The following TMEM266 variants were observed in gnomAD, a reference collection of about 807,000 sequenced individuals.
TMEM266 encodes transmembrane protein 266.
TMEM266 carries 33 observed loss-of-function variants against 50.5 expected under a neutral mutation model. The observed-to-expected ratio is 0.65, with a 90% CI of 0.50 to 0.87. TMEM266 has a LOEUF of 0.87. TMEM266 is among the 40% of genes least tolerant of loss of function. TMEM266 has a pLI of 0.00. For missense variants in TMEM266, 655 were observed against 695.1 expected (o/e 0.94, Z 0.65); for synonymous variants, 310 against 292.3 (o/e 1.06, Z -0.62).
intron 8 of TMEM266, 23 bp from the exon 9 acceptor site, chr15:76,191,945 G>A (rs933611047): frequency 1.9e-5 from 30 of 1,566,754 alleles, no homozygotes; most frequent in Non-Finnish European, 2.5e-5. Flanking sequence ...CGCTGATTCA[G>A]CCTTGCCCGT....
At chr15:76,203,030 A>G (rs1008660402) in intron 10 of TMEM266, among the ~76,000 whole-genome samples, 6 of 152,002 alleles carry the variant, frequency 3.9e-5, no homozygotes, top group Admixed American at 3.3e-4. Context: ...CCAGTCCTCC[A>G]CAACTTTGGG....
At chr15:76,108,477 C>T (rs1293969074) in intron 1 of TMEM266, among the ~76,000 whole-genome samples, 1 of 152,242 alleles carries the variant, frequency 6.6e-6, no homozygotes, top group Non-Finnish European at 1.5e-5. Flanking sequence ...TGTTAAGCTA[C>T]AGATTCCTGA....
At chr15:76,185,608 G>C (rs1301507930) in intron 8 of TMEM266, among the ~76,000 whole-genome samples, 1 of 152,162 alleles carries the variant, frequency 6.6e-6, no homozygotes, top group Non-Finnish European at 1.5e-5. Context: ...ACCCAGGTCA[G>C]CTTCTATTAA....
At chr15:76,080,948 A>T (rs1330149226) in intron 1 of TMEM266, among the ~76,000 whole-genome samples, 1 of 10,490 alleles carries the variant, frequency 9.5e-5, no homozygotes, top group African/African-American at 1.5e-4. Context: ...ATGAGGTCTC[A>T]TTATGTTGCC....
chr15:76,143,373 A>C (rs1026306577), intron 3 of TMEM266, among the ~76,000 whole-genome samples: 1 of 152,092 alleles, frequency 6.6e-6, no homozygotes, highest in Non-Finnish European at 1.5e-5. Context: ...CGTCCACACC[A>C]TGGAAACTGT....
At chr15:76,143,845 G>A (rs2037717182) in intron 3 of TMEM266, among the ~76,000 whole-genome samples, 1 of 152,084 alleles carries the variant, frequency 6.6e-6, no homozygotes, top group Admixed American at 6.5e-5. Context: ...TCCTTCAACT[G>A]GTAACATTCA....
At chr15:76,140,295 A>G (rs2037657911) in intron 3 of TMEM266, among the ~76,000 whole-genome samples, 1 of 152,220 alleles carries the variant, frequency 6.6e-6, no homozygotes, top group Non-Finnish European at 1.5e-5. Flanking sequence ...GGGAAACTGA[A>G]GCAAAGCAAA....
At chr15:76,071,753 A>G (rs890645955) in intron 1 of TMEM266, among the ~76,000 whole-genome samples, 7 of 152,130 alleles carry the variant, frequency 4.6e-5, no homozygotes, top group African/African-American at 1.7e-4. Context: ...CCCAGAAAGC[A>G]AGAAGCAGTG....
At chr15:76,087,049 T>C (rs1261389152) in intron 1 of TMEM266, among the ~76,000 whole-genome samples, 3 of 152,016 alleles carry the variant, frequency 2.0e-5, no homozygotes, top group Non-Finnish European at 4.4e-5. Context: ...TGGCCTTAGG[T>C]TCCCTGCCTC....
At chr15:76,094,321 GTTTT>G (rs1259616287) in intron 1 of TMEM266, among the ~76,000 whole-genome samples, 1 of 152,050 alleles carries the variant, frequency 6.6e-6, no homozygotes, top group Non-Finnish European at 1.5e-5. Flanking sequence ...TCCAGTTTCA[GTTTT>G]CTGCAGATGG....
intron 1 of TMEM266, among the ~76,000 whole-genome samples, chr15:76,101,685 T>C (rs1175220558): frequency 6.6e-6 from 1 of 152,242 alleles, no homozygotes; most frequent in Non-Finnish European, 1.5e-5. Context: ...GCAATCCTAC[T>C]GCTCCTAGTA....
At chr15:76,082,402 G>A (rs141202661) in intron 1 of TMEM266, among the ~76,000 whole-genome samples, 2 of 152,298 alleles carry the variant, frequency 1.3e-5, no homozygotes, top group African/African-American at 4.8e-5. Flanking sequence ...TAGAAGGGAG[G>A]GAAGAAGGGA....
chr15:76,110,631 C>T (rs1295119794), intron 1 of TMEM266, among the ~76,000 whole-genome samples: 1 of 152,168 alleles, frequency 6.6e-6, no homozygotes, highest in African/African-American at 2.4e-5. Context: ...GGTCAAAGAT[C>T]ACCCAGGTGT....
intron 1 of TMEM266, among the ~76,000 whole-genome samples, chr15:76,127,619 C>T (rs2037443874): frequency 6.6e-6 from 1 of 152,188 alleles, no homozygotes; most frequent in South Asian, 2.1e-4. Flanking sequence ...ATCCACCACA[C>T]CTGGCCTGAA....
At chr15:76,095,348 C>A (rs1040403995) in intron 1 of TMEM266, among the ~76,000 whole-genome samples, 22 of 152,002 alleles carry the variant, frequency 1.4e-4, no homozygotes, top group African/African-American at 5.3e-4. Context: ...TGTCAAAGGC[C>A]TTTTCTGCAT....
intron 8 of TMEM266, among the ~76,000 whole-genome samples, chr15:76,188,160 G>C (rs2038516781): frequency 6.7e-6 from 1 of 149,592 alleles, no homozygotes; most frequent in South Asian, 2.1e-4. Flanking sequence ...ATGGTGGTTT[G>C]TTTTCACGCT....
chr15:76,144,169 G>A (rs946181728), intron 3 of TMEM266, among the ~76,000 whole-genome samples: 6 of 152,008 alleles, frequency 3.9e-5, no homozygotes, highest in African/African-American at 1.5e-4. Context: ...TTCTCAATAC[G>A]TATTTTCTAG....
At chr15:76,179,655 T>G (rs2038365558) in intron 8 of TMEM266, among the ~76,000 whole-genome samples, 1 of 152,180 alleles carries the variant, frequency 6.6e-6, no homozygotes, top group Non-Finnish European at 1.5e-5. Flanking sequence ...TCCAGGACAG[T>G]CTAGTATTCC....
At position 76,132,316 on chromosome 15, in the gene TMEM266, A is replaced by G. The variant is rs1432192804; in HGVS notation, c.-96-1852A>G. 5.9e-5 allele frequency among the ~76,000 whole-genome samples: 9 copies of G among 151,582 alleles called. No homozygotes were observed. In the South Asian group the frequency reaches 1.9e-3, roughly 32 times the overall value. ...AGTAGAGACAGGGCTTCACCGTGTT[A>G]GCCAGGATGGTCTTGATCTCCTGAC... On this transcript the variant is annotated intron_variant, in intron 1 of 10. Coordinates refer to ENST00000388942, the MANE Select transcript of TMEM266 (RefSeq NM_152335.3).
Sources: allele counts gnomAD v4.1 joint callset (sites outside exome capture counted in the v4.1 genomes callset), GRCh38; gene constraint gnomAD v4.1.1; transcripts MANE v1.5; gene names NCBI Gene and HGNC (gene_info 2026-07-23, HGNC 2026-07-21).